The following GABRB1 variants were observed in gnomAD, a reference collection of about 807,000 sequenced individuals.
The protein encoded by GABRB1 is gamma-aminobutyric acid receptor subunit beta-1.
Under a neutral mutation model 51.6 loss-of-function variants are expected in GABRB1, and 17 were observed. The observed-to-expected ratio is 0.33, with a 90% CI of 0.23 to 0.49. GABRB1 has a LOEUF of 0.49. Ranked by LOEUF, GABRB1 falls within the 20% of genes least tolerant of loss-of-function variation. The probability of loss-of-function intolerance (pLI) is 0.99; values close to 1 mark genes in which losing one functional copy is unlikely to be tolerated. For missense variants in GABRB1, 410 were observed against 600.6 expected, an observed-to-expected ratio of 0.68 and a Z score of 3.32; for synonymous variants, 247 against 218.9, an observed-to-expected ratio of 1.13 and a Z score of -1.14.
At chr4:47,264,492 G>T (rs1473934404) in intron 4 of GABRB1, among the ~76,000 whole-genome samples, 1 of 152,208 alleles carries the variant, frequency 6.6e-6, no homozygotes, top group Non-Finnish European at 1.5e-5. Flanking sequence ...CATCCCAGGG[G>T]CACCCCAGGG....
intron 4 of GABRB1, among the ~76,000 whole-genome samples, chr4:47,279,578 T>G (rs567826428): frequency 6.6e-6 from 1 of 152,252 alleles, no homozygotes; most frequent in African/African-American, 2.4e-5. Flanking sequence ...GCTTTATATA[T>G]TTAGGTGCTG....
intron 4 of GABRB1, among the ~76,000 whole-genome samples, chr4:47,187,110 C>T (rs1361510379): frequency 2.0e-5 from 3 of 151,726 alleles, no homozygotes; most frequent in African/African-American, 7.3e-5. Flanking sequence ...AGGCACTGTA[C>T]TCAAAACTTC....
At chr4:47,208,919 C>A (rs1720244608) in intron 4 of GABRB1, among the ~76,000 whole-genome samples, 1 of 152,006 alleles carries the variant, frequency 6.6e-6, no homozygotes, top group Non-Finnish European at 1.5e-5. Flanking sequence ...TATTCCTTAG[C>A]TTTTGGTACT....
intron 4 of GABRB1, among the ~76,000 whole-genome samples, chr4:47,168,943 G>T (rs1184017616): frequency 6.6e-6 from 1 of 152,008 alleles, no homozygotes; most frequent in Non-Finnish European, 1.5e-5. Context: ...TTCCCTCTAT[G>T]TGTATTTGTA....
intron 3 of GABRB1, among the ~76,000 whole-genome samples, chr4:47,102,246 GA>G (rs372278683): frequency 9.9e-5 from 15 of 152,020 alleles, no homozygotes; most frequent in African/African-American, 3.6e-4. Context: ...TTAAAATGAA[GA>G]ATAATATTTT....
chr4:47,328,745 C>G (rs1271426017), intron 5 of GABRB1, among the ~76,000 whole-genome samples: 6 of 151,268 alleles, frequency 4.0e-5, no homozygotes, highest in Admixed American at 4.0e-4. Context: ...GGAAGGGGAA[C>G]ATCATACACT....
intron 4 of GABRB1, among the ~76,000 whole-genome samples, chr4:47,173,932 C>A (rs1442656718): frequency 6.6e-6 from 1 of 152,198 alleles, no homozygotes; most frequent in South Asian, 2.1e-4. Context: ...CAAACATAGT[C>A]TCTGATTTTG....
intron 4 of GABRB1, among the ~76,000 whole-genome samples, chr4:47,296,994 T>C (rs1432204113): frequency 6.6e-6 from 1 of 152,096 alleles, no homozygotes; most frequent in Non-Finnish European, 1.5e-5. Context: ...CTGAACAACC[T>C]GCTCCTGAAT....
intron 3 of GABRB1, among the ~76,000 whole-genome samples, chr4:47,038,269 G>A (rs1489649263): frequency 6.6e-6 from 1 of 151,968 alleles, no homozygotes; most frequent in Non-Finnish European, 1.5e-5. Context: ...TGCAATCTAG[G>A]GCCTCTTGAA....
intron 8 of GABRB1, among the ~76,000 whole-genome samples, chr4:47,413,708 T>C (rs528673467): frequency 5.3e-5 from 8 of 152,314 alleles, no homozygotes; most frequent in Admixed American, 4.6e-4. Context: ...TTGTTACACA[T>C]TACTTTTGAT....
rs1725298196 is a variant in GABRB1 at position 47,031,584 on chromosome 4, C to A, written c.-68C>A. The A allele has an allele frequency of 7.4e-7, 1 of 1,352,994 alleles. No homozygotes were observed. The highest frequency in any genetic ancestry group is 1.1e-6 in the Non-Finnish European group (1 of 943,058). The allele number at this position is 1,352,994 out of a possible 1,614,324, so 83.8% of individuals were successfully genotyped here. On this transcript the variant is annotated 5_prime_UTR_variant, in exon 1 of 9. Coordinates refer to ENST00000295454, the MANE Select transcript of GABRB1 (RefSeq NM_000812.4). ...GCAGGTCCATTCGGGAATTACTGCC[C>A]AGCAGCCGACTAAGTTGCATTCCTT... is the stretch of plus-strand genomic sequence containing the variant.
intron 4 of GABRB1, among the ~76,000 whole-genome samples, chr4:47,251,853 C>G (rs1286268594): frequency 6.6e-6 from 1 of 152,134 alleles, no homozygotes; most frequent in African/African-American, 2.4e-5. Flanking sequence ...ACCTAACAGC[C>G]CTGAGTCTAT....
At position 47,424,640 on chromosome 4, in the gene GABRB1, A is replaced by G. The variant is rs1165324983; in HGVS notation, c.1081-1034A>G. Among the ~76,000 whole-genome samples, 3 of 152,224 alleles carry G rather than the reference A, an allele frequency of 2.0e-5. No individual in the cohort carries two copies. In the East Asian group the frequency reaches 5.8e-4, roughly 29 times the overall value. On this transcript the variant is annotated intron_variant, in intron 8 of 8. Coordinates refer to ENST00000295454, the MANE Select transcript of GABRB1 (RefSeq NM_000812.4). ...ATTTATAGACTCCTTACTGTAAGTC[A>G]GGCATTATGCTAATACACATGTTAG...
intron 3 of GABRB1, among the ~76,000 whole-genome samples, chr4:47,061,898 C>T (rs980782657): frequency 1.3e-5 from 2 of 152,120 alleles, no homozygotes; most frequent in Non-Finnish European, 2.9e-5. Flanking sequence ...AGTTTAGCGC[C>T]TCTTAAATGG....
intron 4 of GABRB1, among the ~76,000 whole-genome samples, chr4:47,259,949 A>G (rs567652689): frequency 3.9e-5 from 6 of 152,162 alleles, no homozygotes; most frequent in South Asian, 4.1e-4. Flanking sequence ...CATTATTATT[A>G]TATGGGAGTC....
intron 4 of GABRB1, among the ~76,000 whole-genome samples, chr4:47,182,258 G>T (rs1175753034): frequency 6.6e-6 from 1 of 151,762 alleles, no homozygotes; most frequent in Non-Finnish European, 1.5e-5. Context: ...GTGAAAACCT[G>T]GTATACTATT....
intron 4 of GABRB1, among the ~76,000 whole-genome samples, chr4:47,311,889 G>C: frequency 6.6e-6 from 1 of 152,124 alleles, no homozygotes; most frequent in East Asian, 1.9e-4. Context: ...CCCTCCCCGA[G>C]ATTGCTGAGG....
chr4:47,308,451 C>A (rs1354643691), intron 4 of GABRB1, among the ~76,000 whole-genome samples: 1 of 152,006 alleles, frequency 6.6e-6, no homozygotes, highest in Non-Finnish European at 1.5e-5. Flanking sequence ...ACAATTTATT[C>A]TTCTGTCCTA....
At chr4:47,087,499 C>T (rs1425204809) in intron 3 of GABRB1, among the ~76,000 whole-genome samples, 2 of 151,880 alleles carry the variant, frequency 1.3e-5, no homozygotes, top group African/African-American at 4.8e-5. Context: ...CCTTATTTGG[C>T]AGTATCTAAC....
Sources: gnomAD v4.1 joint callset for allele counts (sites outside exome capture counted in the v4.1 genomes callset) on GRCh38, gnomAD v4.1.1 for gene constraint, MANE v1.5 for transcripts, NCBI Gene and HGNC (gene_info 2026-07-23, HGNC 2026-07-21) for gene names.